The following PLPPR1 variants were observed in gnomAD, a reference collection of about 807,000 sequenced individuals.
PLPPR1 encodes phospholipid phosphatase related 1.
Under a neutral mutation model 33.1 loss-of-function variants are expected in PLPPR1, and 10 were observed. The ratio of observed to expected loss-of-function variants is 0.30; its 90% confidence interval spans 0.19 to 0.51. The LOEUF (loss-of-function observed/expected upper bound fraction) is 0.51, where lower values mean the gene tolerates loss of function less well. Among genes scored for constraint, PLPPR1 ranks in the 20% least tolerant of loss-of-function variants. The pLI, the probability that PLPPR1 is intolerant of heterozygous loss-of-function variation, is 0.97. For missense variants in PLPPR1, 304 were observed against 408.1 expected (o/e 0.74, Z 2.20); for synonymous variants, 151 against 151.0 (o/e 1.00, Z 0.00).
chr9:101,243,767 A>G (rs991216542), intron 2 of PLPPR1, among the ~76,000 whole-genome samples: 1 of 151,982 alleles, frequency 6.6e-6, no homozygotes, highest in Non-Finnish European at 1.5e-5. Flanking sequence ...TCATCAAAGT[A>G]TAGGTGGTAG....
intron 4 of PLPPR1, among the ~76,000 whole-genome samples, chr9:101,299,211 A>C (rs1828702533): frequency 6.6e-6 from 1 of 152,230 alleles, no homozygotes; most frequent in Non-Finnish European, 1.5e-5. Flanking sequence ...GGTTAAGAGG[A>C]AAGAGCCAGG....
chr9:101,074,992 A>G (rs1830519739), intron 1 of PLPPR1, among the ~76,000 whole-genome samples: 1 of 152,192 alleles, frequency 6.6e-6, no homozygotes, highest in African/African-American at 2.4e-5. Flanking sequence ...ACCAAACATT[A>G]AGCATCTCCT....
At chr9:101,043,658 C>T (rs1226262262) in intron 1 of PLPPR1, among the ~76,000 whole-genome samples, 2 of 151,874 alleles carry the variant, frequency 1.3e-5, no homozygotes, top group Non-Finnish European at 2.9e-5. Context: ...GGGTAGATAC[C>T]CAGTAGTGGG....
chr9:101,125,459 C>T, intron 1 of PLPPR1: 1 of 273,722 alleles, frequency 3.7e-6, no homozygotes, highest in South Asian at 5.1e-5. Flanking sequence ...TTTTTATGAC[C>T]CTGGGTAGAG....
intron 1 of PLPPR1, among the ~76,000 whole-genome samples, chr9:101,098,035 T>C (rs1343765714): frequency 7.6e-6 from 1 of 131,080 alleles, no homozygotes; most frequent in South Asian, 2.2e-4. Context: ...GGTGCTTTTT[T>C]TCCCCCTCCC....
chr9:101,110,071 C>T (rs915374482), intron 1 of PLPPR1, among the ~76,000 whole-genome samples: 10 of 151,594 alleles, frequency 6.6e-5, no homozygotes, highest in Admixed American at 3.9e-4. Context: ...AAATTATCAT[C>T]TTCAAAAGCA....
At chr9:101,237,218 G>C (rs1445298119) in intron 2 of PLPPR1, among the ~76,000 whole-genome samples, 2 of 151,774 alleles carry the variant, frequency 1.3e-5, no homozygotes, top group Non-Finnish European at 2.9e-5. Flanking sequence ...TACACTGTTG[G>C]TGGGAATGTA....
chr9:101,224,026 T>G (rs1393271874), intron 2 of PLPPR1, among the ~76,000 whole-genome samples: 1 of 152,168 alleles, frequency 6.6e-6, no homozygotes, highest in Admixed American at 6.6e-5. Flanking sequence ...TTATAACATA[T>G]GGCTTGATAT....
At chr9:101,268,286 A>T (rs956458414) in intron 2 of PLPPR1, among the ~76,000 whole-genome samples, 1 of 152,112 alleles carries the variant, frequency 6.6e-6, no homozygotes, top group East Asian at 1.9e-4. Flanking sequence ...ATGTGAAAAA[A>T]AAAAAGAAAA....
At chr9:101,252,066 C>T (rs910889107) in intron 2 of PLPPR1, among the ~76,000 whole-genome samples, 2 of 152,082 alleles carry the variant, frequency 1.3e-5, no homozygotes, top group African/African-American at 4.8e-5. Flanking sequence ...TTTAAACTTA[C>T]ACTTCGTTCA....
At chr9:101,209,235 A>G (rs1588073083) in intron 2 of PLPPR1, among the ~76,000 whole-genome samples, 1 of 152,194 alleles carries the variant, frequency 6.6e-6, no homozygotes. Context: ...TCTGTGTTCC[A>G]TTTACAGAAA....
chr9:101,109,210 A>G (rs1243529795), intron 1 of PLPPR1, among the ~76,000 whole-genome samples: 1 of 142,372 alleles, frequency 7.0e-6, no homozygotes, highest in African/African-American at 2.6e-5. Flanking sequence ...TCCTGACGTC[A>G]CGATCCGCCG....
Position 101,067,943 on chromosome 9 carries a change from T to C in PLPPR1, c.-46+38841T>C, listed in dbSNP as rs140092780. Among the ~76,000 whole-genome samples the C allele has an allele frequency of 2.3e-4, 35 of 152,204 alleles. 1 individual carries two copies. In the East Asian group the frequency reaches 6.0e-3, roughly 26 times the overall value. The stretch of plus-strand genomic sequence containing the variant: ...GTGAGGAATAACAGTACCTTCTTCA[T>C]AGGGCTGTTGTGAGAATTATTTGAG... On this transcript the variant is annotated intron_variant, in intron 1 of 7. Coordinates refer to ENST00000374874, the MANE Select transcript of PLPPR1 (RefSeq NM_207299.2).
intron 4 of PLPPR1, among the ~76,000 whole-genome samples, chr9:101,294,395 C>T (rs1293569851): frequency 6.6e-6 from 1 of 151,936 alleles, no homozygotes; most frequent in African/African-American, 2.4e-5. Flanking sequence ...TGGTATCATT[C>T]CTTCTGAAAC....
At chr9:101,123,829 A>G (rs544978562) in intron 1 of PLPPR1, among the ~76,000 whole-genome samples, 1 of 152,272 alleles carries the variant, frequency 6.6e-6, no homozygotes, top group East Asian at 1.9e-4. Context: ...GAGGGATTTT[A>G]TGCCCTGGGC....
chr9:101,253,264 G>A (rs569903306), intron 2 of PLPPR1, among the ~76,000 whole-genome samples: 2 of 151,842 alleles, frequency 1.3e-5, no homozygotes, highest in South Asian at 4.2e-4. Context: ...GAATGCATTA[G>A]TGGCCAGGCA....
At chr9:101,260,608 A>G (rs1291146952) in intron 2 of PLPPR1, among the ~76,000 whole-genome samples, 2 of 152,100 alleles carry the variant, frequency 1.3e-5, no homozygotes, top group Non-Finnish European at 2.9e-5. Flanking sequence ...AGGATAGGGA[A>G]CTCAAGAGAA....
At chr9:101,093,334 A>G (rs570979998) in intron 1 of PLPPR1, among the ~76,000 whole-genome samples, 1 of 152,342 alleles carries the variant, frequency 6.6e-6, no homozygotes, top group East Asian at 1.9e-4. Flanking sequence ...TGTAGAAAAT[A>G]TGAACGATAA....
intron 1 of PLPPR1, among the ~76,000 whole-genome samples, chr9:101,170,123 G>A (rs1255379366): frequency 1.3e-5 from 2 of 152,084 alleles, no homozygotes; most frequent in Admixed American, 6.6e-5. Context: ...GCCAAGCACT[G>A]TATGAAGTGC....
Sources: gnomAD v4.1 joint callset for allele counts (sites outside exome capture counted in the v4.1 genomes callset) on GRCh38, gnomAD v4.1.1 for gene constraint, MANE v1.5 for transcripts, NCBI Gene and HGNC (gene_info 2026-07-23, HGNC 2026-07-21) for gene names.